The following B3GALT1 variants were observed in gnomAD, a reference collection of about 807,000 sequenced individuals.
B3GALT1 encodes the protein UDP-Gal:betaGlcNAc beta 1,3-galactosyltransferase, polypeptide 1.
In B3GALT1, 10 loss-of-function variants were observed where a neutral mutation model predicts 23.2. The observed-to-expected ratio is 0.43, with a 90% CI of 0.27 to 0.73. The LOEUF (loss-of-function observed/expected upper bound fraction) is 0.73. B3GALT1 is among the 30% of genes least tolerant of loss of function. The pLI is 0.21. For synonymous variants in B3GALT1, 156 were observed against 141.5 expected (o/e 1.10, Z -0.73); for missense variants, 299 against 405.4 (o/e 0.74, Z 2.25).
rs1174427019 is a variant in B3GALT1 at position 167,512,591 on chromosome 2, T to C, written c.-410+22314T>C. On this transcript the variant is annotated intron_variant, in intron 2 of 4. Coordinates refer to ENST00000392690, the MANE Select transcript of B3GALT1 (RefSeq NM_020981.4). ...ATGTATATATATATGTATATATATA[T>C]GTGTATATATATATATGTATATATA... Among the ~76,000 whole-genome samples the C allele has an allele frequency of 4.0e-3, 169 of 41,846 alleles. 15 individuals carry two copies. In the East Asian group the frequency reaches 0.18, roughly 45 times the overall value. The allele number at this position is 41,846 out of a possible 152,430, so 27.5% of individuals were successfully genotyped here. A position where few individuals can be genotyped will look rare whatever the true frequency, so the allele number is the denominator to read the frequency against.
At chr2:167,772,315 A>G (rs1688086158) in intron 3 of B3GALT1, among the ~76,000 whole-genome samples, 1 of 152,226 alleles carries the variant, frequency 6.6e-6, no homozygotes, top group Admixed American at 6.5e-5. Flanking sequence ...TGCATGCTCA[A>G]TGCCAGTGTC....
chr2:167,716,119 T>C, intron 3 of B3GALT1: 1 of 1,476,644 alleles, frequency 6.8e-7, no homozygotes, highest in Non-Finnish European at 9.3e-7. Context: ...CAACAAGCGG[T>C]GGAGAACACG....
chr2:167,640,964 C>T (rs1203031151), intron 2 of B3GALT1, among the ~76,000 whole-genome samples: 2 of 152,056 alleles, frequency 1.3e-5, no homozygotes, highest in Non-Finnish European at 2.9e-5. Context: ...ATCCTTGGGA[C>T]GTTATACTTG....
chr2:167,698,810 G>A (rs1426238010), intron 3 of B3GALT1, among the ~76,000 whole-genome samples: 1 of 152,188 alleles, frequency 6.6e-6, no homozygotes, highest in Non-Finnish European at 1.5e-5. Context: ...CTGGAGGTTT[G>A]ACATTTGCGT....
chr2:167,512,555 T>TGTATATATATAC (rs1700025677), intron 2 of B3GALT1, among the ~76,000 whole-genome samples: 1 of 90,734 alleles, frequency 1.1e-5, no homozygotes, highest in Admixed American at 1.2e-4. Flanking sequence ...TGTATATATA[T>TGTATATATATAC]GTATATATAT....
chr2:167,296,773 T>C (rs1396771532), intron 1 of B3GALT1, among the ~76,000 whole-genome samples: 2 of 152,238 alleles, frequency 1.3e-5, no homozygotes, highest in Non-Finnish European at 2.9e-5. Context: ...CAATGAATAC[T>C]TGTATGAGTA....
At chr2:167,623,710 C>G (rs569305000) in intron 2 of B3GALT1, among the ~76,000 whole-genome samples, 1 of 151,978 alleles carries the variant, frequency 6.6e-6, no homozygotes, top group Admixed American at 6.6e-5. Flanking sequence ...ATGTAACAAA[C>G]CTGCACGTTC....
chr2:167,522,394 G>A (rs997920246), intron 2 of B3GALT1, among the ~76,000 whole-genome samples: 6 of 151,836 alleles, frequency 4.0e-5, no homozygotes, highest in African/African-American at 1.5e-4. Context: ...TCCCAATTCT[G>A]GTCAAATATT....
intron 1 of B3GALT1, among the ~76,000 whole-genome samples, chr2:167,431,479 T>A (rs1300198037): frequency 2.6e-5 from 4 of 152,254 alleles, no homozygotes; most frequent in Admixed American, 2.6e-4. Flanking sequence ...CTATAAGATG[T>A]CATGTTTAAA....
chr2:167,397,760 G>A (rs1436866773), intron 1 of B3GALT1, among the ~76,000 whole-genome samples: 1 of 152,110 alleles, frequency 6.6e-6, no homozygotes, highest in Non-Finnish European at 1.5e-5. Context: ...TTCTTGTCCT[G>A]TGAGTAGATC....
intron 2 of B3GALT1, among the ~76,000 whole-genome samples, chr2:167,640,695 ACT>A (rs1558933813): frequency 6.6e-6 from 1 of 152,034 alleles, no homozygotes; most frequent in Admixed American, 6.6e-5. Flanking sequence ...GGATGCCAGC[ACT>A]CTAAAAAATG....
intron 3 of B3GALT1, among the ~76,000 whole-genome samples, chr2:167,779,150 T>TCTTCACCCATTCATAGAATGTTACTG (rs58696482): frequency 1.3e-5 from 2 of 152,028 alleles, no homozygotes; most frequent in Non-Finnish European, 2.9e-5. Context: ...CACTCACTTT[T>TCTTCACCCATTCATAGAATGTTACTG]CATATATGCC....
intron 2 of B3GALT1, among the ~76,000 whole-genome samples, chr2:167,511,964 C>G (rs1700011269): frequency 6.6e-6 from 1 of 152,082 alleles, no homozygotes; most frequent in South Asian, 2.1e-4. Flanking sequence ...GACAAAGTCC[C>G]TTCTCTCTTG....
At chr2:167,737,429 A>G (rs1297641335) in intron 3 of B3GALT1, among the ~76,000 whole-genome samples, 3 of 152,266 alleles carry the variant, frequency 2.0e-5, no homozygotes, top group Non-Finnish European at 4.4e-5. Flanking sequence ...GTGATTTAAC[A>G]CATCATTTCC....
At chr2:167,447,256 G>C (rs1699014448) in intron 1 of B3GALT1, among the ~76,000 whole-genome samples, 1 of 152,300 alleles carries the variant, frequency 6.6e-6, no homozygotes, top group African/African-American at 2.4e-5. Context: ...GCCGTGTGAG[G>C]TGTCAGTCGG....
chr2:167,322,874 A>G (rs2105494079), intron 1 of B3GALT1, among the ~76,000 whole-genome samples: 1 of 152,148 alleles, frequency 6.6e-6, no homozygotes, highest in East Asian at 1.9e-4. Context: ...GGGCTTTCAG[A>G]CAAAAATCTT....
At chr2:167,404,845 G>A (rs1698249298) in intron 1 of B3GALT1, among the ~76,000 whole-genome samples, 1 of 152,188 alleles carries the variant, frequency 6.6e-6, no homozygotes, top group African/African-American at 2.4e-5. Context: ...ATGATAATTA[G>A]GATGCTTGTT....
At chr2:167,651,267 TGTGTGC>T (rs1357113194) in intron 3 of B3GALT1, among the ~76,000 whole-genome samples, 12 of 34,648 alleles carry the variant, frequency 3.5e-4, no homozygotes, top group African/African-American at 4.3e-4. Context: ...TGTGTGTGTG[TGTGTGC>T]GCGCACGTGC....
At chr2:167,300,323 G>A (rs1438437848) in intron 1 of B3GALT1, among the ~76,000 whole-genome samples, 2 of 151,780 alleles carry the variant, frequency 1.3e-5, no homozygotes, top group Non-Finnish European at 2.9e-5. Flanking sequence ...GCTTCCTAAG[G>A]GACATTTTTA....
Sources: gnomAD v4.1 joint callset for allele counts (sites outside exome capture counted in the v4.1 genomes callset) on GRCh38, gnomAD v4.1.1 for gene constraint, MANE v1.5 for transcripts, NCBI Gene and HGNC (gene_info 2026-07-23, HGNC 2026-07-21) for gene names.